HPCAL1: variants seen among roughly 807,000 people sequenced by gnomAD.
HPCAL1 encodes hippocalcin like 1, also known as hippocalcin-like protein 1.
A neutral mutation model predicts 17.1 loss-of-function variants in HPCAL1; 8 were observed. The observed-to-expected ratio is 0.47, with a 90% CI of 0.27 to 0.84. The LOEUF (loss-of-function observed/expected upper bound fraction) is 0.84, where lower values mean the gene tolerates loss of function less well. HPCAL1 is among the 40% of genes least tolerant of loss of function. HPCAL1 has a pLI of 0.13. For missense variants in HPCAL1, 165 were observed against 271.1 expected (o/e 0.61, Z 2.75); for synonymous variants, 112 against 111.4 (o/e 1.01, Z -0.03).
chr2:10,338,666 C>T (rs545281582), intron 1 of HPCAL1, among the ~76,000 whole-genome samples: 20 of 152,232 alleles, frequency 1.3e-4, no homozygotes, highest in African/African-American at 4.8e-4. Flanking sequence ...CCACATGCAC[C>T]CAGAGTCAGC....
intron 1 of HPCAL1, chr2:10,369,211 C>G (rs1287131858): frequency 6.6e-6 from 1 of 152,246 alleles, no homozygotes; most frequent in African/African-American, 2.4e-5. Context: ...CCACTGAGTC[C>G]TGCCATGTGA....
chr2:10,333,668 A>C (rs72771673), intron 1 of HPCAL1, among the ~76,000 whole-genome samples: 1 of 152,132 alleles, frequency 6.6e-6, no homozygotes, highest in African/African-American at 2.4e-5. Flanking sequence ...TCTTTACCCA[A>C]ATATTCTATG....
chr2:10,368,323 GGTGTGTGTGCA>G (rs1199113930), intron 1 of HPCAL1, among the ~76,000 whole-genome samples: 9 of 149,180 alleles, frequency 6.0e-5, no homozygotes, highest in African/African-American at 2.0e-4. Flanking sequence ...TGCACGTGTG[GGTGTGTGTGCA>G]GTGTGTGTAG....
intron 2 of HPCAL1, among the ~76,000 whole-genome samples, chr2:10,402,175 C>T (rs1213796437): frequency 1.3e-5 from 2 of 152,180 alleles, no homozygotes; most frequent in East Asian, 3.8e-4. Context: ...GCTGGGATTG[C>T]AGGCATGAGT....
chr2:10,353,456 G>T (rs1416508628), intron 1 of HPCAL1, among the ~76,000 whole-genome samples: 1 of 152,218 alleles, frequency 6.6e-6, no homozygotes, highest in Non-Finnish European at 1.5e-5. Flanking sequence ...CAGGTGTGGG[G>T]ATACTGGTTC....
intron 1 of HPCAL1, among the ~76,000 whole-genome samples, chr2:10,340,358 AT>A (rs1053443409): frequency 1.3e-5 from 2 of 152,202 alleles, no homozygotes; most frequent in African/African-American, 4.8e-5. Flanking sequence ...TAGCCACAGT[AT>A]TGTAGGACCT....
intron 1 of HPCAL1, among the ~76,000 whole-genome samples, chr2:10,389,642 A>G (rs10209364): frequency 0.031 from 4,765 of 152,338 alleles, 274 homozygotes; most frequent in African/African-American, 0.11. Flanking sequence ...GGAGGAAGAC[A>G]CAGTATTAAG....
chr2:10,376,610 A>G (rs550098809), intron 1 of HPCAL1, among the ~76,000 whole-genome samples: 1 of 151,796 alleles, frequency 6.6e-6, no homozygotes, highest in Non-Finnish European at 1.5e-5. Context: ...TAATTTTTGT[A>G]TTTTTTAGTA....
intron 1 of HPCAL1, among the ~76,000 whole-genome samples, chr2:10,315,927 A>G (rs1663284956): frequency 6.6e-6 from 1 of 152,174 alleles, no homozygotes; most frequent in Non-Finnish European, 1.5e-5. Context: ...GAATTTCTTG[A>G]ACCCAGGAGG....
At chr2:10,418,736 C>T (rs1176807167) in intron 2 of HPCAL1, among the ~76,000 whole-genome samples, 1 of 152,070 alleles carries the variant, frequency 6.6e-6, no homozygotes, top group Non-Finnish European at 1.5e-5. Flanking sequence ...GTGTGAATGC[C>T]GGTTGATCAG....
chr2:10,328,635 T>A (rs1430396209), intron 1 of HPCAL1, among the ~76,000 whole-genome samples: 1 of 152,206 alleles, frequency 6.6e-6, no homozygotes, highest in African/African-American at 2.4e-5. Flanking sequence ...CCTCTGGGCT[T>A]GAGCTGGAGT....
intron 2 of HPCAL1, among the ~76,000 whole-genome samples, chr2:10,410,322 C>T (rs1670267783): frequency 6.6e-6 from 1 of 152,118 alleles, no homozygotes; most frequent in African/African-American, 2.4e-5. Flanking sequence ...TAGAACTGTG[C>T]CACTAAACAG....
chr2:10,346,462 T>C (rs1665457756), intron 1 of HPCAL1, among the ~76,000 whole-genome samples: 1 of 152,198 alleles, frequency 6.6e-6, no homozygotes, highest in Admixed American at 6.5e-5. Flanking sequence ...CAGTCCCCTC[T>C]GTGGCTTTTT....
In HPCAL1 at chr2:10,395,955, C is replaced by T. The variant is rs1445241962; in HGVS notation, c.-110-880C>T. ...TAATACACATATGTACCAGAGGCTG[C>T]AGGTTCACGGAGGAGGAGTCACCAA... On this transcript the variant is annotated intron_variant, in intron 1 of 4. Transcript: ENST00000307845. This position sits in a 1 kb window ranked among gnomAD's most constrained non-coding sequence, Gnocchi z 4.4. Among the ~76,000 whole-genome samples the T allele has an allele frequency of 2.0e-5, 3 of 152,166 alleles. No individual in the cohort carries two copies. The highest frequency in any genetic ancestry group is 4.4e-5 in the Non-Finnish European group (3 of 68,038).
At chr2:10,421,403 A>C (rs1437661147) in intron 3 of HPCAL1, among the ~76,000 whole-genome samples, 4 of 152,138 alleles carry the variant, frequency 2.6e-5, no homozygotes, top group African/African-American at 9.7e-5. Context: ...TGCCTCCCTG[A>C]GCCCAGGAGC....
intron 1 of HPCAL1, among the ~76,000 whole-genome samples, chr2:10,339,460 A>G (rs1307678942): frequency 6.6e-6 from 1 of 152,108 alleles, no homozygotes; most frequent in East Asian, 1.9e-4. Flanking sequence ...ACATGCCACC[A>G]TGCCCGGCTA....
At chr2:10,387,177 A>T (rs1214027400) in intron 1 of HPCAL1, among the ~76,000 whole-genome samples, 1 of 152,250 alleles carries the variant, frequency 6.6e-6, no homozygotes, top group East Asian at 1.9e-4. Context: ...CGTAAGTGCC[A>T]CATTCAGCCT....
At chr2:10,364,922 A>C (rs1666754726) in intron 1 of HPCAL1, among the ~76,000 whole-genome samples, 1 of 151,812 alleles carries the variant, frequency 6.6e-6, no homozygotes, top group African/African-American at 2.4e-5. Flanking sequence ...TCCCTCTCTG[A>C]GGTAGGGGGA....
Position 10,363,925 on chromosome 2 carries a change from T to C in HPCAL1, c.-110-32910T>C, listed in dbSNP as rs1363547212. Among the ~76,000 whole-genome samples, 1 of 152,216 alleles carries C rather than the reference T, an allele frequency of 6.6e-6. No individual in the cohort carries two copies. Among genetic ancestry groups the C allele is most frequent in the Admixed American group, 6.5e-5 (1 of 15,288 alleles). ...TAAGCGTTTAGTGCCCTGAGCCGAC[T>C]CAGCTGGTGCTCAGGGAGGCCTGAT... On this transcript the variant is annotated intron_variant, in intron 1 of 4. Transcript: ENST00000307845. The surrounding 1 kb of genome is among the most constrained non-coding windows in gnomAD (Gnocchi z 4.7).
Sources: gnomAD v4.1 joint callset for allele counts (sites outside exome capture counted in the v4.1 genomes callset) on GRCh38, gnomAD v4.1.1 for gene constraint, Gnocchi (gnomAD v3.1) non-coding constraint, MANE v1.5 for transcripts, NCBI Gene and HGNC (gene_info 2026-07-23, HGNC 2026-07-21) for gene names.